ETV6: variants seen among roughly 807,000 people sequenced by gnomAD.
ETV6 encodes ETS variant transcription factor 6, also known as transcription factor ETV6.
ETV6 carries 16 observed loss-of-function variants against 51.1 expected under a neutral mutation model. That is an observed-to-expected ratio of 0.31 (90% CI 0.21 to 0.48). The LOEUF (loss-of-function observed/expected upper bound fraction) is 0.48. ETV6 is among the 20% of genes least tolerant of loss of function. The pLI is 0.99. For synonymous variants in ETV6, 240 were observed against 224.1 expected (o/e 1.07, Z -0.64); for missense variants, 458 against 594.8 (o/e 0.77, Z 2.39).
intron 2 of ETV6, among the ~76,000 whole-genome samples, chr12:11,766,205 G>A (rs1201374312): frequency 6.6e-6 from 1 of 152,198 alleles, no homozygotes; most frequent in Non-Finnish European, 1.5e-5. Flanking sequence ...GTTTCTTGAA[G>A]CAGCTCTGCT....
At chr12:11,799,867 G>A (rs947829513) in intron 2 of ETV6, among the ~76,000 whole-genome samples, 4 of 152,214 alleles carry the variant, frequency 2.6e-5, no homozygotes, top group African/African-American at 9.6e-5. Context: ...CTGGGCTCAA[G>A]TGATCCTCCT....
chr12:11,673,330 G>T (rs1244157157), intron 1 of ETV6, among the ~76,000 whole-genome samples: 2 of 152,200 alleles, frequency 1.3e-5, no homozygotes, highest in Non-Finnish European at 2.9e-5. Context: ...AGAAAATCTG[G>T]ATGACTATTG....
chr12:11,715,459 CA>C (rs1865256785), intron 1 of ETV6, among the ~76,000 whole-genome samples: 1 of 152,012 alleles, frequency 6.6e-6, no homozygotes, highest in African/African-American at 2.4e-5. Context: ...TTGTATGAAA[CA>C]GGGATGCTAT....
At chr12:11,767,259 CT>C (rs1422802309) in intron 2 of ETV6, among the ~76,000 whole-genome samples, 1 of 152,182 alleles carries the variant, frequency 6.6e-6, no homozygotes, top group Non-Finnish European at 1.5e-5. Flanking sequence ...ACAGTCATAC[CT>C]TTTTCACATT....
At chr12:11,813,786 A>T (rs1945949132) in intron 2 of ETV6, among the ~76,000 whole-genome samples, 1 of 152,262 alleles carries the variant, frequency 6.6e-6, no homozygotes, top group Non-Finnish European at 1.5e-5. Context: ...AGGACAGGCC[A>T]AAGAAATCTT....
intron 4 of ETV6, among the ~76,000 whole-genome samples, chr12:11,855,616 T>G (rs1946621413): frequency 6.6e-6 from 1 of 152,210 alleles, no homozygotes; most frequent in Non-Finnish European, 1.5e-5. Flanking sequence ...TTTCTTGTTT[T>G]TCCTAATTAA....
intron 1 of ETV6, among the ~76,000 whole-genome samples, chr12:11,665,542 C>G (rs1410184176): frequency 1.3e-5 from 2 of 152,168 alleles, no homozygotes; most frequent in Non-Finnish European, 2.9e-5. Flanking sequence ...TTCCAGTGTC[C>G]AGCTCAAGGT....
chr12:11,784,336 A>C (rs1945450836), intron 2 of ETV6, among the ~76,000 whole-genome samples: 2 of 151,974 alleles, frequency 1.3e-5, no homozygotes, highest in Admixed American at 1.3e-4. Flanking sequence ...CTAAGGCAGG[A>C]GAATCACTTG....
intron 3 of ETV6, 140 bp downstream of exon 3, chr12:11,839,444 AG>A (rs1199950661): frequency 3.4e-6 from 3 of 882,604 alleles, no homozygotes; most frequent in African/African-American, 1.7e-5. Flanking sequence ...AGGAAGTTGA[AG>A]GAAGATTATG....
chr12:11,678,691 A>C (rs574224076), intron 1 of ETV6, among the ~76,000 whole-genome samples: 1 of 152,214 alleles, frequency 6.6e-6, no homozygotes, highest in African/African-American at 2.4e-5. Flanking sequence ...GAGACTGAGA[A>C]GTCCCATGAT....
chr12:11,811,622 A>T (rs991462878), intron 2 of ETV6, among the ~76,000 whole-genome samples: 3 of 152,156 alleles, frequency 2.0e-5, no homozygotes, highest in Admixed American at 2.0e-4. Context: ...TGGTGGTGAG[A>T]TGAAGCAGGG....
Position 11,742,346 on chromosome 12 carries a change from C to T in ETV6, c.34-10104C>T, listed in dbSNP as rs1422577245. Reference sequence around the variant, plus strand: ...GAAACAAAACTCCCCAGACTTTCTACCCATGACCACAATGAAGGGAATGAT... The same window carrying T: ...GAAACAAAACTCCCCAGACTTTCTATCCATGACCACAATGAAGGGAATGAT... On this transcript the variant is annotated intron_variant, in intron 1 of 7. Coordinates refer to ENST00000396373, the MANE Select transcript of ETV6 (RefSeq NM_001987.5). Among the ~76,000 whole-genome samples, 4 of 152,298 alleles carry T rather than the reference C, an allele frequency of 2.6e-5. No individual in the cohort carries two copies. The East Asian group carries it at 7.7e-4, about 29-fold the overall frequency.
chr12:11,783,565 C>T (rs1421710286), intron 2 of ETV6, among the ~76,000 whole-genome samples: 6 of 151,836 alleles, frequency 4.0e-5, no homozygotes, highest in Admixed American at 6.6e-5. Context: ...ATTTAATGGA[C>T]GGTATTTAGC....
chr12:11,657,042 A>G (rs1356806707), intron 1 of ETV6, among the ~76,000 whole-genome samples: 1 of 152,144 alleles, frequency 6.6e-6, no homozygotes, highest in East Asian at 1.9e-4. Context: ...CCTGGAATGA[A>G]GAGAGCATTT....
At chr12:11,882,222 G>A (rs1947108219) in intron 5 of ETV6, among the ~76,000 whole-genome samples, 1 of 152,214 alleles carries the variant, frequency 6.6e-6, no homozygotes, top group South Asian at 2.1e-4. Flanking sequence ...GAAAGATTAA[G>A]CTTCTGGAAA....
chr12:11,705,182 G>A (rs1206238993), intron 1 of ETV6, among the ~76,000 whole-genome samples: 1 of 152,176 alleles, frequency 6.6e-6, no homozygotes, highest in Non-Finnish European at 1.5e-5. Flanking sequence ...GTAATAGTGT[G>A]CTAAGAACAG....
At chr12:11,820,868 A>C (rs1477929885) in intron 2 of ETV6, among the ~76,000 whole-genome samples, 1 of 152,234 alleles carries the variant, frequency 6.6e-6, no homozygotes, top group East Asian at 1.9e-4. Context: ...AATCTCTGGC[A>C]GGTCTGTTGA....
chr12:11,814,426 A>T (rs1235169747), intron 2 of ETV6, among the ~76,000 whole-genome samples: 1 of 151,778 alleles, frequency 6.6e-6, no homozygotes, highest in African/African-American at 2.4e-5. Flanking sequence ...AGGTAAACAA[A>T]TTTTTTTTTC....
chr12:11,655,384 G>A (rs1443760942), intron 1 of ETV6, among the ~76,000 whole-genome samples: 2 of 152,118 alleles, frequency 1.3e-5, no homozygotes, highest in East Asian at 3.8e-4. Context: ...GGGTTCCCAC[G>A]CCAAAAGGGA....
Sources: gnomAD v4.1 joint callset for allele counts (sites outside exome capture counted in the v4.1 genomes callset) on GRCh38, gnomAD v4.1.1 for gene constraint, MANE v1.5 for transcripts, NCBI Gene and HGNC (gene_info 2026-07-23, HGNC 2026-07-21) for gene names.